Variants in DDAH1 observed in about 807,000 individuals in gnomAD.
DDAH1 encodes the protein dimethylarginine dimethylaminohydrolase 1.
In DDAH1, 19 loss-of-function variants were observed where a neutral mutation model predicts 28.8. The ratio of observed to expected loss-of-function variants is 0.66; its 90% CI spans 0.46 to 0.97. The LOEUF is 0.97. DDAH1 is among the 50% of genes least tolerant of loss of function. The pLI, the probability that DDAH1 is intolerant of heterozygous loss-of-function variation, is 0.00. For synonymous variants in DDAH1, 153 were observed against 154.4 expected (o/e 0.99, Z 0.07); for missense variants, 326 against 375.9 (o/e 0.87, Z 1.10).
intron 1 of DDAH1, among the ~76,000 whole-genome samples, chr1:85,573,674 C>T (rs1450911538): frequency 6.6e-6 from 1 of 152,164 alleles, no homozygotes; most frequent in Non-Finnish European, 1.5e-5. Context: ...ATGCCAGCTG[C>T]TTACATCATC....
At chr1:85,553,391 T>C (rs1460248514) in intron 1 of DDAH1, among the ~76,000 whole-genome samples, 1 of 152,248 alleles carries the variant, frequency 6.6e-6, no homozygotes, top group Non-Finnish European at 1.5e-5. Flanking sequence ...TTCCTAAAGC[T>C]AACCAGTCTT....
intron 1 of DDAH1, among the ~76,000 whole-genome samples, chr1:85,388,072 C>T (rs1024338497): frequency 1.3e-5 from 2 of 152,136 alleles, no homozygotes; most frequent in African/African-American, 4.8e-5. Context: ...AAAGATCTGC[C>T]CCCATGACCC....
chr1:85,389,731 C>T (rs1441450784), intron 1 of DDAH1, among the ~76,000 whole-genome samples: 2 of 152,076 alleles, frequency 1.3e-5, no homozygotes, highest in African/African-American at 2.4e-5. Flanking sequence ...TGAATGAATA[C>T]GACACAAGGA....
chr1:85,554,342 T>C (rs1658899540), intron 1 of DDAH1, among the ~76,000 whole-genome samples: 1 of 148,598 alleles, frequency 6.7e-6, no homozygotes, highest in Admixed American at 6.8e-5. Context: ...GAGATCAGTA[T>C]CATGTCCTAT....
chr1:85,463,503 AG>A (rs1655215704), intron 1 of DDAH1, among the ~76,000 whole-genome samples: 1 of 152,226 alleles, frequency 6.6e-6, no homozygotes, highest in African/African-American at 2.4e-5. Context: ...AAAGATGGAG[AG>A]GTGTGGCAAA....
chr1:85,326,644 T>C (rs1310213489), intron 4 of DDAH1, among the ~76,000 whole-genome samples: 2 of 152,252 alleles, frequency 1.3e-5, no homozygotes, highest in East Asian at 3.8e-4. Flanking sequence ...TTGATACTTA[T>C]TATTCATTCT....
At chr1:85,355,264 C>T (rs967314448) in intron 2 of DDAH1, among the ~76,000 whole-genome samples, 6 of 152,126 alleles carry the variant, frequency 3.9e-5, no homozygotes, top group Non-Finnish European at 7.4e-5. Context: ...AAAGAAGGCA[C>T]AAGAGCCTGT....
chr1:85,350,341 C>G (rs1024923957), intron 4 of DDAH1, 74 bp downstream of exon 4: 8 of 1,558,112 alleles, frequency 5.1e-6, no homozygotes, highest in Admixed American at 3.7e-5. Flanking sequence ...GTTACTCCCC[C>G]AGCAGAGAGA....
intron 4 of DDAH1, among the ~76,000 whole-genome samples, chr1:85,326,385 C>T (rs1647397105): frequency 6.6e-6 from 1 of 152,196 alleles, no homozygotes; most frequent in Non-Finnish European, 1.5e-5. Flanking sequence ...AATTATATTA[C>T]AATAAGAACT....
intron 1 of DDAH1, among the ~76,000 whole-genome samples, chr1:85,422,408 A>C (rs137890454): frequency 1.3e-3 from 196 of 152,306 alleles, no homozygotes; most frequent in African/African-American, 4.4e-3. Flanking sequence ...AATTTTAATA[A>C]AGTGTAGATT....
chr1:85,534,554 C>A (rs1355648848), intron 1 of DDAH1, among the ~76,000 whole-genome samples: 1 of 151,966 alleles, frequency 6.6e-6, no homozygotes, highest in Non-Finnish European at 1.5e-5. Flanking sequence ...TATTTTTCTG[C>A]CACTAGGAGA....
intron 5 of DDAH1, among the ~76,000 whole-genome samples, chr1:85,324,162 T>A (rs1661472300): frequency 6.6e-6 from 1 of 151,652 alleles, no homozygotes; most frequent in Non-Finnish European, 1.5e-5. Flanking sequence ...TCCCAGCTAC[T>A]CAGGAGGCTG....
At chr1:85,450,795 C>T (rs1052327122) in intron 1 of DDAH1, among the ~76,000 whole-genome samples, 1 of 152,110 alleles carries the variant, frequency 6.6e-6, no homozygotes, top group African/African-American at 2.4e-5. Context: ...TTTTTAAGTA[C>T]TTAAAATGGA....
intron 1 of DDAH1, among the ~76,000 whole-genome samples, chr1:85,497,052 A>G (rs1291605448): frequency 3.3e-5 from 5 of 152,226 alleles, no homozygotes. Context: ...TTCTTATACC[A>G]GAAATGTTTT....
At position 85,489,867 on chromosome 1, in the gene DDAH1, A is replaced by G. The variant is rs1656327314; in HGVS notation, c.-7+6299T>C. Reference sequence around the variant, plus strand: ...TAGGTAATGAGTTGAACAGTGATATAGTAAAATTAAAAAATATTTTATATT... The same window carrying G: ...TAGGTAATGAGTTGAACAGTGATATGGTAAAATTAAAAAATATTTTATATT... On this transcript the variant is annotated intron_variant, in intron 2 of 6. Transcript: ENST00000426972. Among the ~76,000 whole-genome samples, 2 of 152,246 alleles carry G rather than the reference A, an allele frequency of 1.3e-5. 1 individual carries two copies. Among genetic ancestry groups the G allele is most frequent in the South Asian group, 4.1e-4 (2 of 4,834 alleles).
chr1:85,564,347 AAG>A (rs1250150031), intron 1 of DDAH1, among the ~76,000 whole-genome samples: 1 of 152,212 alleles, frequency 6.6e-6, no homozygotes, highest in Non-Finnish European at 1.5e-5. Flanking sequence ...GTAAAAAACA[AAG>A]AGAGTTCCAG....
chr1:85,498,345 C>T (rs554102615), intron 1 of DDAH1, among the ~76,000 whole-genome samples: 76 of 152,260 alleles, frequency 5.0e-4, no homozygotes, highest in African/African-American at 1.7e-3. Flanking sequence ...CTAATATCAA[C>T]CTTTATTTCA....
At chr1:85,479,544 A>G (rs1655931157) in intron 2 of DDAH1, among the ~76,000 whole-genome samples, 1 of 152,230 alleles carries the variant, frequency 6.6e-6, no homozygotes, top group Non-Finnish European at 1.5e-5. Flanking sequence ...AGGCACTAAT[A>G]TTACCACAAT....
At position 85,497,499 on chromosome 1, in the gene DDAH1, T is replaced by A. The variant is rs868211946; in HGVS notation, c.-122-1218A>T. 5.3e-5 allele frequency among the ~76,000 whole-genome samples: 8 copies of A among 152,246 alleles called. No individual in the cohort carries two copies. The South Asian group carries it at 1.7e-3, about 32-fold the overall frequency. ...CCAACTATCTTTTTCACATTGAACA[T>A]GATTCAGATGTTAACATGGTTTCCA... On this transcript the variant is annotated intron_variant, in intron 1 of 6. Transcript: ENST00000426972.
Sources: allele counts gnomAD v4.1 joint callset (sites outside exome capture counted in the v4.1 genomes callset), GRCh38; gene constraint gnomAD v4.1.1; transcripts MANE v1.5; gene names NCBI Gene and HGNC (gene_info 2026-07-23, HGNC 2026-07-21).